Variants in DYNC1I1 observed in about 807,000 individuals in gnomAD.
DYNC1I1 encodes dynein cytoplasmic 1 intermediate chain 1.
A neutral mutation model predicts 86.6 loss-of-function variants in DYNC1I1; 43 were observed. The observed-to-expected ratio is 0.50, with a 90% CI of 0.39 to 0.64. The LOEUF (loss-of-function observed/expected upper bound fraction) is 0.64. Ranked by LOEUF, DYNC1I1 falls within the 30% of genes least tolerant of loss-of-function variation. The pLI, the probability that DYNC1I1 is intolerant of heterozygous loss-of-function variation, is 0.00. For synonymous variants in DYNC1I1, 262 were observed against 283.7 expected, an observed-to-expected ratio of 0.92 and a Z score of 0.77; for missense variants, 604 against 788.8, an observed-to-expected ratio of 0.77 and a Z score of 2.81.
intron 6 of DYNC1I1, among the ~76,000 whole-genome samples, chr7:95,968,342 G>A (rs1793071283): frequency 6.6e-6 from 1 of 152,158 alleles, no homozygotes; most frequent in Admixed American, 6.5e-5. Flanking sequence ...TATATGCAGT[G>A]ATTGATGTGA....
At chr7:96,082,931 C>T (rs182846938) in intron 16 of DYNC1I1, among the ~76,000 whole-genome samples, 1 of 151,972 alleles carries the variant, frequency 6.6e-6, no homozygotes, top group African/African-American at 2.4e-5. Context: ...TATGTTATTG[C>T]CCTTACTTTT....
At chr7:96,000,161 C>G (rs1793974894) in intron 10 of DYNC1I1, among the ~76,000 whole-genome samples, 1 of 152,040 alleles carries the variant, frequency 6.6e-6, no homozygotes, top group Admixed American at 6.6e-5. Context: ...GATAAAAGAA[C>G]AGAAAGTTCT....
At chr7:95,894,460 G>A (rs796692072) in intron 6 of DYNC1I1, among the ~76,000 whole-genome samples, 1 of 1,630 alleles carries the variant, frequency 6.1e-4, no homozygotes, top group Non-Finnish European at 0.013. Context: ...CCTGAATTTG[G>A]GGGGGGGACA....
Position 95,813,264 on chromosome 7 carries a change from C to T in DYNC1I1, c.241C>T (p.Pro81Ser). 1 of 1,612,980 alleles carries T rather than the reference C, an allele frequency of 6.2e-7. No individual in the cohort carries two copies. Among genetic ancestry groups the T allele is most frequent in the South Asian group, 1.1e-5 (1 of 91,050 alleles). The change falls in exon 4 of 17, where the codon CCC becomes TCC. Residue 81 changes from proline (P) to serine (S), a missense_variant. Pro to Ser is a moderately conservative substitution (Grantham distance 74, BLOSUM62 -1). Coordinates refer to ENST00000447467, the MANE Select transcript of DYNC1I1 (RefSeq NM_001135556.2). ...TTATTTAGTCCCAACCCCTATGTCT[C>T]CCTCCTCGAAATCAGTGAGCACTCC... ...EPPLVPTPMS[P>S]SSKSVSTPSE...
intron 6 of DYNC1I1, among the ~76,000 whole-genome samples, chr7:95,971,084 A>G (rs1793157840): frequency 6.6e-6 from 1 of 152,134 alleles, no homozygotes; most frequent in Admixed American, 6.6e-5. Context: ...AGCAGGTCAG[A>G]GCTCTGCTGT....
intron 6 of DYNC1I1, among the ~76,000 whole-genome samples, chr7:95,887,398 T>C (rs1038846076): frequency 1.3e-5 from 2 of 152,198 alleles, no homozygotes; most frequent in African/African-American, 4.8e-5. Flanking sequence ...TCCTCCCCTT[T>C]CACCTTCTCT....
At chr7:96,085,943 A>G (rs555447465) in intron 16 of DYNC1I1, among the ~76,000 whole-genome samples, 28 of 148,834 alleles carry the variant, frequency 1.9e-4, no homozygotes, top group Admixed American at 6.7e-4. Flanking sequence ...TTTTTTTCAA[A>G]TGATGTATGA....
At chr7:96,105,055 A>G (rs1308530506) in intron 16 of DYNC1I1, among the ~76,000 whole-genome samples, 1 of 151,666 alleles carries the variant, frequency 6.6e-6, no homozygotes, top group Non-Finnish European at 1.5e-5. Context: ...TTTTCAATTT[A>G]TTCCTAGATA....
chr7:96,066,088 C>A (rs538030428), intron 14 of DYNC1I1, among the ~76,000 whole-genome samples: 107 of 152,182 alleles, frequency 7.0e-4, no homozygotes, highest in Non-Finnish European at 1.8e-4. Flanking sequence ...CCTACCCAAA[C>A]CAAAATTATT....
chr7:95,794,335 AT>A (rs1794382568), intron 1 of DYNC1I1, among the ~76,000 whole-genome samples: 1 of 152,090 alleles, frequency 6.6e-6, no homozygotes, highest in Admixed American at 6.6e-5. Context: ...TGAGATTCTC[AT>A]TTCCTAAGGA....
intron 1 of DYNC1I1, among the ~76,000 whole-genome samples, chr7:95,799,405 G>T (rs541272178): frequency 1.3e-5 from 2 of 151,974 alleles, no homozygotes; most frequent in African/African-American, 2.4e-5. Flanking sequence ...ACTTAGGACC[G>T]TGAGCCATTT....
intron 16 of DYNC1I1, among the ~76,000 whole-genome samples, chr7:96,081,566 A>G (rs961037655): frequency 1.3e-5 from 2 of 152,194 alleles, no homozygotes; most frequent in African/African-American, 4.8e-5. Flanking sequence ...ATGTAATGCT[A>G]TTTTGGCATA....
At chr7:95,873,800 G>C (rs527259556) in intron 6 of DYNC1I1, among the ~76,000 whole-genome samples, 1 of 152,188 alleles carries the variant, frequency 6.6e-6, no homozygotes, top group African/African-American at 2.4e-5. Context: ...ACATGGTTTG[G>C]AGGTACTCCC....
rs548385258 is a variant in DYNC1I1 at position 96,082,890 on chromosome 7, C to G, written c.1776+2402C>G. ...GTTGTTATACTCATATTTGTACTATCGTACTGGCAGGTCAGGCTGGTTTTC... is the reference window on the plus strand; with the variant it reads ...GTTGTTATACTCATATTTGTACTATGGTACTGGCAGGTCAGGCTGGTTTTC... On this transcript the variant is annotated intron_variant, in intron 16 of 16. Coordinates refer to ENST00000447467, the MANE Select transcript of DYNC1I1 (RefSeq NM_001135556.2). Among the ~76,000 whole-genome samples, 8 of 152,260 alleles carry G rather than the reference C, an allele frequency of 5.3e-5. No individual in the cohort carries two copies. In the South Asian group the frequency reaches 1.7e-3, roughly 32 times the overall value.
intron 10 of DYNC1I1, among the ~76,000 whole-genome samples, chr7:96,019,378 T>C (rs1794484519): frequency 7.0e-6 from 1 of 143,858 alleles, no homozygotes; most frequent in Non-Finnish European, 1.5e-5. Context: ...CTCCAAGTGC[T>C]TTTTTTTTTT....
intron 6 of DYNC1I1, among the ~76,000 whole-genome samples, chr7:95,948,930 G>A (rs1026391348): frequency 6.6e-6 from 1 of 152,140 alleles, no homozygotes; most frequent in African/African-American, 2.4e-5. Flanking sequence ...TCTTTGTCAG[G>A]TTTATAGGAT....
At position 96,049,026 on chromosome 7, in the gene DYNC1I1, G is replaced by A. The variant is rs190899698; in HGVS notation, c.1509+9605G>A. On this transcript the variant is annotated intron_variant, in intron 14 of 16. Transcript: ENST00000447467. ...TGTAGTCCCAGCACTTTGAGAGGCC[G>A]AGGCAGGCAGATCACAAGGTCAGGA... Among the ~76,000 whole-genome samples the A allele has an allele frequency of 3.3e-5, 5 of 152,188 alleles. No individual in the cohort carries two copies. In the East Asian group the frequency reaches 5.8e-4, roughly 18 times the overall value.
At chr7:96,076,316 A>C in intron 15 of DYNC1I1, 119 bp downstream of exon 15, 1 of 1,399,246 alleles carries the variant, frequency 7.1e-7, no homozygotes, top group Non-Finnish European at 9.5e-7. Flanking sequence ...CAACTGCAGC[A>C]GGGCTGCCGG....
intron 6 of DYNC1I1, among the ~76,000 whole-genome samples, chr7:95,907,253 T>G (rs1486478457): frequency 6.6e-6 from 1 of 152,212 alleles, no homozygotes; most frequent in Non-Finnish European, 1.5e-5. Context: ...TTTTTCATGT[T>G]TGAAGCAGCC....
Sources: allele counts gnomAD v4.1 joint callset (sites outside exome capture counted in the v4.1 genomes callset), GRCh38; gene constraint gnomAD v4.1.1; transcripts MANE v1.5; gene names NCBI Gene and HGNC (gene_info 2026-07-23, HGNC 2026-07-21).